The following CDC42SE2 variants were observed in gnomAD, a reference collection of about 807,000 sequenced individuals.
CDC42SE2 encodes CDC42 small effector protein 2.
Under a neutral mutation model 11.5 loss-of-function variants are expected in CDC42SE2, and 3 were observed. The observed-to-expected ratio is 0.26, with a 90% confidence interval of 0.12 to 0.67. The LOEUF (loss-of-function observed/expected upper bound fraction) is 0.67, where lower values mean the gene tolerates loss of function less well. Ranked by LOEUF, CDC42SE2 falls within the 30% of genes least tolerant of loss-of-function variation. CDC42SE2 has a pLI of 0.80. For synonymous variants in CDC42SE2, 33 were observed against 34.8 expected, an observed-to-expected ratio of 0.95 and a Z score of 0.18; for missense variants, 82 against 106.8, an observed-to-expected ratio of 0.77 and a Z score of 1.02.
chr5:131,346,877 A>G (rs1758858824), intron 2 of CDC42SE2, among the ~76,000 whole-genome samples: 1 of 150,358 alleles, frequency 6.7e-6, no homozygotes. Context: ...CTACATGGAA[A>G]CTGAACAACC....
intron 1 of CDC42SE2, among the ~76,000 whole-genome samples, chr5:131,249,143 G>A (rs757156842): frequency 6.7e-6 from 1 of 149,420 alleles, no homozygotes; most frequent in Non-Finnish European, 1.5e-5. Context: ...TCAGCCTCCC[G>A]AGTAGCTGGG....
At chr5:131,309,952 T>G (rs897627880) in intron 1 of CDC42SE2, among the ~76,000 whole-genome samples, 1 of 152,166 alleles carries the variant, frequency 6.6e-6, no homozygotes, top group Non-Finnish European at 1.5e-5. Flanking sequence ...TTCCTTCAGT[T>G]CTGCTCTGAT....
intron 3 of CDC42SE2, among the ~76,000 whole-genome samples, chr5:131,372,300 A>G (rs1256510312): frequency 1.3e-5 from 2 of 152,170 alleles, no homozygotes; most frequent in African/African-American, 4.8e-5. Context: ...ACCTAAGGCA[A>G]ATGTGCTTTC....
chr5:131,335,949 G>A (rs1452115131), intron 2 of CDC42SE2, among the ~76,000 whole-genome samples: 1 of 152,122 alleles, frequency 6.6e-6, no homozygotes, highest in Non-Finnish European at 1.5e-5. Context: ...CTTTTAATTG[G>A]AGCATTTAGC....
rs72787033 is a variant in CDC42SE2, at chr5:131,281,904, A to G, written c.-455+17738A>G. 7.1e-3 allele frequency among the ~76,000 whole-genome samples: 1,075 copies of G among 152,336 alleles called. 15 individuals carry two copies. Among genetic ancestry groups the G allele is most frequent in the South Asian group, 0.02 (96 of 4,834 alleles). ...GTTAGGATTAAATGAAGTAATGCACATAAAGCATTTGGCTTGTAGAATAAG... is the reference window on the plus strand; with the variant it reads ...GTTAGGATTAAATGAAGTAATGCACGTAAAGCATTTGGCTTGTAGAATAAG... On this transcript the variant is annotated intron_variant, in intron 1 of 4. Coordinates refer to ENST00000505065, the MANE Select transcript of CDC42SE2 (RefSeq NM_001375635.1).
intron 1 of CDC42SE2, among the ~76,000 whole-genome samples, chr5:131,275,844 C>T (rs1449170983): frequency 6.6e-6 from 1 of 150,956 alleles, no homozygotes; most frequent in African/African-American, 2.4e-5. Flanking sequence ...GTATGCCTGT[C>T]CTCTTAGTAC....
chr5:131,304,980 T>G (rs1187311578), intron 1 of CDC42SE2, among the ~76,000 whole-genome samples: 16 of 152,310 alleles, frequency 1.1e-4, no homozygotes, highest in Middle Eastern at 3.4e-3. Flanking sequence ...ACTGGAAATA[T>G]ACCCCAAAAG....
intron 2 of CDC42SE2, among the ~76,000 whole-genome samples, chr5:131,349,239 C>T (rs1464840705): frequency 1.3e-5 from 2 of 150,062 alleles, no homozygotes; most frequent in African/African-American, 4.9e-5. Flanking sequence ...CAAACTATCG[C>T]AAGGACAGAA....
chr5:131,299,035 A>G (rs554065290), intron 1 of CDC42SE2, among the ~76,000 whole-genome samples: 2 of 152,276 alleles, frequency 1.3e-5, no homozygotes, highest in South Asian at 2.1e-4. Context: ...AGAAGTGAAC[A>G]GTAAGTGTGA....
intron 1 of CDC42SE2, among the ~76,000 whole-genome samples, chr5:131,281,176 T>C (rs1439258597): frequency 6.6e-6 from 1 of 152,230 alleles, no homozygotes; most frequent in South Asian, 2.1e-4. Context: ...ATTTTTATTG[T>C]TCTTAACCTC....
chr5:131,338,383 G>A (rs4706020), intron 2 of CDC42SE2, among the ~76,000 whole-genome samples: 36,605 of 152,094 alleles, frequency 0.24, 5,845 homozygotes, highest in Non-Finnish European at 0.37. Flanking sequence ...TGTTTATATA[G>A]CCTCACTAGA....
chr5:131,220,946 G>C, the CDC42SE2 span, among the ~76,000 whole-genome samples: 1 of 149,774 alleles, frequency 6.7e-6, no homozygotes, highest in Non-Finnish European at 1.5e-5. Context: ...GTGCGGTGGC[G>C]CGATCTTGGC....
At chr5:131,229,109 C>A in the CDC42SE2 span, among the ~76,000 whole-genome samples, 1 of 152,080 alleles carries the variant, frequency 6.6e-6, no homozygotes, top group Non-Finnish European at 1.5e-5. Flanking sequence ...ATGGAGAGAA[C>A]CAGGCTCTCA....
At chr5:131,288,061 T>G (rs1484347771) in intron 1 of CDC42SE2, among the ~76,000 whole-genome samples, 1 of 151,804 alleles carries the variant, frequency 6.6e-6, no homozygotes, top group Non-Finnish European at 1.5e-5. Flanking sequence ...CTGGGCAAAA[T>G]AGTGAGACTC....
chr5:131,219,663 A>G, the CDC42SE2 span, among the ~76,000 whole-genome samples: 1 of 152,220 alleles, frequency 6.6e-6, no homozygotes, highest in East Asian at 1.9e-4. Flanking sequence ...GAGGCGAGGC[A>G]TGGTGGCCCA....
intron 1 of CDC42SE2, among the ~76,000 whole-genome samples, chr5:131,283,780 A>C (rs867924533): frequency 1.3e-5 from 2 of 152,200 alleles, no homozygotes; most frequent in Admixed American, 1.3e-4. Context: ...GGTGTGAGCC[A>C]CTGCGCCAGG....
intron 1 of CDC42SE2, among the ~76,000 whole-genome samples, chr5:131,310,407 A>G (rs917317484): frequency 4.5e-4 from 68 of 151,862 alleles, no homozygotes; most frequent in Non-Finnish European, 6.8e-4. Context: ...GTGGTGCTGA[A>G]AAAAATGTAT....
chr5:131,257,046 T>C (rs761585131), intron 2 of CDC42SE2, among the ~76,000 whole-genome samples: 2 of 152,130 alleles, frequency 1.3e-5, no homozygotes, highest in Non-Finnish European at 2.9e-5. Flanking sequence ...ATGTAGGGCA[T>C]GTACACCAAC....
intron 2 of CDC42SE2, among the ~76,000 whole-genome samples, chr5:131,340,589 C>G (rs1758688948): frequency 1.3e-5 from 2 of 151,974 alleles, no homozygotes; most frequent in Admixed American, 1.3e-4. Flanking sequence ...TCCAAAATTA[C>G]AATTAAAAAC....
Sources: allele counts gnomAD v4.1 joint callset (sites outside exome capture counted in the v4.1 genomes callset), GRCh38; gene constraint gnomAD v4.1.1; transcripts MANE v1.5; gene names NCBI Gene and HGNC (gene_info 2026-07-23, HGNC 2026-07-21).